The following CFAP221 variants were observed in gnomAD, a reference collection of about 807,000 sequenced individuals.
CFAP221 encodes cilia- and flagella-associated protein 221.
A neutral mutation model predicts 113.1 loss-of-function variants in CFAP221; 97 were observed. That is an observed-to-expected ratio of 0.86 (90% CI 0.73 to 1.02). CFAP221 has a LOEUF of 1.02. Among genes scored for constraint, CFAP221 ranks in the 50% least tolerant of loss-of-function variants. CFAP221 has a pLI of 0.00. For synonymous variants in CFAP221, 331 were observed against 354.4 expected, an observed-to-expected ratio of 0.93 and a Z score of 0.74; for missense variants, 1,025 against 1,013.4, an observed-to-expected ratio of 1.01 and a Z score of -0.16.
intron 12 of CFAP221, among the ~76,000 whole-genome samples, chr2:119,611,168 A>G (rs1018267821): frequency 2.6e-5 from 4 of 152,158 alleles, no homozygotes; most frequent in African/African-American, 9.7e-5. Context: ...GGAGCTTAAA[A>G]CTTTACAGGG....
intron 3 of CFAP221, among the ~76,000 whole-genome samples, chr2:119,557,960 A>T (rs893512159): frequency 5.5e-5 from 2 of 36,056 alleles, no homozygotes; most frequent in Non-Finnish European, 1.1e-4. Flanking sequence ...CTCCGTCTCA[A>T]AAAAAAAAAA....
intron 11 of CFAP221, among the ~76,000 whole-genome samples, chr2:119,605,758 CTT>C (rs1684706611): frequency 6.6e-6 from 1 of 152,114 alleles, no homozygotes; most frequent in Non-Finnish European, 1.5e-5. Context: ...AAATTAGAAA[CTT>C]TTTCACAATT....
chr2:119,619,189 G>A (rs1172495005), intron 14 of CFAP221, among the ~76,000 whole-genome samples: 1 of 152,204 alleles, frequency 6.6e-6, no homozygotes, highest in African/African-American at 2.4e-5. Context: ...CCTGCCTGCT[G>A]GCTCTGAAGA....
intron 21 of CFAP221, among the ~76,000 whole-genome samples, chr2:119,645,172 T>C (rs978030705): frequency 6.6e-6 from 1 of 151,994 alleles, no homozygotes; most frequent in African/African-American, 2.4e-5. Context: ...CCAGTGTGTT[T>C]ATGGAATTTC....
chr2:119,628,305 G>GTGTGTGTA (rs1686513420), intron 16 of CFAP221, among the ~76,000 whole-genome samples: 1 of 151,014 alleles, frequency 6.6e-6, no homozygotes, highest in Non-Finnish European at 1.5e-5. Flanking sequence ...GTGTGTGTGT[G>GTGTGTGTA]TGTGTGTGTG....
intron 17 of CFAP221, 82 bp from the exon 18 acceptor site, chr2:119,630,488 C>T (rs1558979025): frequency 9.6e-7 from 1 of 1,039,352 alleles, no homozygotes; most frequent in Non-Finnish European, 1.4e-6. Flanking sequence ...CACCAGGAAG[C>T]TCGGAAATGC....
At chr2:119,645,790 T>C (rs1003756012) in intron 21 of CFAP221, among the ~76,000 whole-genome samples, 6 of 152,144 alleles carry the variant, frequency 3.9e-5, no homozygotes, top group African/African-American at 1.4e-4. Context: ...TCCTTCCGAG[T>C]GGGCTCCAGG....
intron 7 of CFAP221, among the ~76,000 whole-genome samples, chr2:119,599,793 C>T (rs1299602443): frequency 6.6e-6 from 1 of 152,086 alleles, no homozygotes; most frequent in African/African-American, 2.4e-5. Flanking sequence ...TTTGCTGTCC[C>T]CCACTAGAAT....
rs1178864572 is a variant in CFAP221 at position 119,656,420 on chromosome 2, A to T, written c.2473A>T (p.Met825Leu). 6.2e-7 allele frequency: 1 copy of T among 1,613,806 alleles called. No homozygotes were observed. Among genetic ancestry groups the T allele is most frequent in the African/African-American group, 1.3e-5 (1 of 74,862 alleles). ...EKAGEKLLEE[M>L]RNLRGKALNT... ...GGCCGGAGAGAAGCTGCTCGAGGAG[A>T]TGAGGAACCTGCGGGGCAAAGCACT... Residue 825 changes from methionine (M) to leucine (L), a missense_variant, in exon 24 of 24, where the codon ATG becomes TTG. By Grantham distance (15) the Met-to-Leu change is conservative. Coordinates refer to ENST00000413369, the MANE Select transcript of CFAP221 (RefSeq NM_001271049.2).
At chr2:119,554,584 A>T (rs992692971) in intron 3 of CFAP221, among the ~76,000 whole-genome samples, 1 of 152,202 alleles carries the variant, frequency 6.6e-6, no homozygotes, top group African/African-American at 2.4e-5. Context: ...ATCAGTTTAC[A>T]TTAGAGACCT....
At chr2:119,585,558 G>A (rs1683156804) in intron 6 of CFAP221, among the ~76,000 whole-genome samples, 1 of 152,154 alleles carries the variant, frequency 6.6e-6, no homozygotes, top group African/African-American at 2.4e-5. Context: ...AGATTTGTTA[G>A]AGCTCAGTAG....
At chr2:119,614,310 T>A (rs911924092) in intron 13 of CFAP221, among the ~76,000 whole-genome samples, 2 of 152,248 alleles carry the variant, frequency 1.3e-5, no homozygotes, top group African/African-American at 4.8e-5. Flanking sequence ...GTTCCAAAGT[T>A]GCTTCCACAT....
intron 6 of CFAP221, among the ~76,000 whole-genome samples, chr2:119,563,742 T>G (rs1256703763): frequency 6.6e-6 from 1 of 152,230 alleles, no homozygotes; most frequent in Non-Finnish European, 1.5e-5. Flanking sequence ...GCTCCAGTTC[T>G]GGAGGCCTCA....
intron 7 of CFAP221, among the ~76,000 whole-genome samples, chr2:119,591,479 A>G (rs192114438): frequency 6.6e-5 from 10 of 152,346 alleles, no homozygotes; most frequent in Non-Finnish European, 1.2e-4. Flanking sequence ...CATGATGTTC[A>G]TAATTGCTTC....
intron 6 of CFAP221, among the ~76,000 whole-genome samples, chr2:119,563,413 G>A (rs1247535136): frequency 6.6e-6 from 1 of 152,156 alleles, no homozygotes; most frequent in Non-Finnish European, 1.5e-5. Context: ...ACCCTCAAAT[G>A]CAGAGGGCCT....
intron 15 of CFAP221, 44 bp from the exon 16 acceptor site, chr2:119,627,609 A>G: frequency 1.3e-6 from 2 of 1,583,340 alleles, no homozygotes; most frequent in Non-Finnish European, 1.7e-6. Context: ...TCCCATAAAA[A>G]TACCTTTAGT....
At chr2:119,605,858 T>TGTCACCCCAGCTGGAGTG (rs1684716848) in intron 11 of CFAP221, among the ~76,000 whole-genome samples, 1 of 152,160 alleles carries the variant, frequency 6.6e-6, no homozygotes, top group Admixed American at 6.5e-5. Context: ...GGTGTCACTC[T>TGTCACCCCAGCTGGAGTG]GTCACCCCAG....
chr2:119,656,492 C>T lies in CFAP221; in HGVS notation c.*22C>T, dbSNP rs754639891. The T allele has an allele frequency of 1.3e-6, 2 of 1,569,952 alleles. No homozygotes were observed. The highest frequency in any genetic ancestry group is 1.4e-5 in the African/African-American group (1 of 74,040). On this transcript the variant is annotated 3_prime_UTR_variant, in exon 24 of 24. Coordinates refer to ENST00000413369, the MANE Select transcript of CFAP221 (RefSeq NM_001271049.2). ...ATGAAAGTCACCAGTAGGTCAGTCC[C>T]TTCCATTTGCTTTCCGTGGGCCACT... is the stretch of plus-strand genomic sequence containing the variant.
At chr2:119,604,565 G>C (rs145022792) in intron 8 of CFAP221, 107 bp from the exon 9 acceptor site, 187 of 1,037,900 alleles carry the variant, frequency 1.8e-4, no homozygotes, top group Non-Finnish European at 2.3e-4. Context: ...TTCAGTTTAG[G>C]TATAATAAGG....
Sources: gnomAD v4.1 joint callset for allele counts (sites outside exome capture counted in the v4.1 genomes callset) on GRCh38, gnomAD v4.1.1 for gene constraint, MANE v1.5 for transcripts, NCBI Gene and HGNC (gene_info 2026-07-23, HGNC 2026-07-21) for gene names.